Variants in TEP1 observed in about 807,000 individuals in gnomAD.
The protein encoded by TEP1 is telomerase protein component 1.
In TEP1, 241 loss-of-function variants were observed where a neutral mutation model predicts 306.3. The ratio of observed to expected loss-of-function variants is 0.79; its 90% CI spans 0.71 to 0.88. TEP1 has a LOEUF of 0.88. TEP1 is among the 40% of genes least tolerant of loss of function. The probability of loss-of-function intolerance (pLI) is 0.00; values close to 1 mark genes in which losing one functional copy is unlikely to be tolerated. For synonymous variants in TEP1, 1,289 were observed against 1,305.5 expected, an observed-to-expected ratio of 0.99 and a Z score of 0.27; for missense variants, 3,051 against 3,276.1, an observed-to-expected ratio of 0.93 and a Z score of 1.68.
chr14:20,375,654 T>C (rs1325875344), intron 43 of TEP1, 101 bp downstream of exon 43: 8 of 691,842 alleles, frequency 1.2e-5, no homozygotes, highest in Non-Finnish European at 1.8e-5. Flanking sequence ...ATATTAGCTA[T>C]CACTATTATT....
Position 20,377,696 on chromosome 14 carries a change from G to A in TEP1, c.5779C>T (p.Leu1927Phe). ...RPRGHLGSLS[L>F]SPALSVALSP... ...AGTGCCACAGAGAGGGCAGGAGAGA[G>A]AGAAAGGGAACCCAGGTGCCCACGG... The change falls in exon 40 of 55, where the codon CTC (leucine) becomes TTC (phenylalanine). Residue 1927 changes from leucine to phenylalanine, a missense_variant. Transcript: ENST00000262715. 6.2e-7 allele frequency: 1 copy of A among 1,614,138 alleles called. No homozygotes were observed. Among genetic ancestry groups the A allele is most frequent in the South Asian group, 1.1e-5 (1 of 91,082 alleles).
Position 20,410,662 on chromosome 14 carries a change from G to A in TEP1, c.-24-2199C>T, listed in dbSNP as rs527468705. Among the ~76,000 whole-genome samples, 11 of 148,786 alleles carry A rather than the reference G, an allele frequency of 7.4e-5. No individual in the cohort carries two copies. The South Asian group carries it at 8.5e-4, about 11-fold the overall frequency. On this transcript the variant is annotated intron_variant, in intron 1 of 54. Transcript: ENST00000262715. ...CCACTATGCTGGCCAGGCTGGTCTC[G>A]AACTCCTGACCTTGTGATCCACCCA...
At chr14:20,383,692 A>G in intron 25 of TEP1, 48 bp from the exon 26 acceptor site, 1 of 1,607,510 alleles carries the variant, frequency 6.2e-7, no homozygotes, top group East Asian at 2.2e-5. Flanking sequence ...AAAAAAAAGC[A>G]GGGGTGGTAC....
At position 20,369,574 on chromosome 14, in the gene TEP1, ACT is replaced by A; in HGVS notation, c.7424_7425del (p.Glu2475ValfsTer9). The stretch of plus-strand genomic sequence containing the variant: ...TCAGAGCTGGCACACAAAAATGAGG[ACT>A]CTGCCATTTTAAGGACAGAATTAGA... Reference protein sequence around the residue: ...ISITQAKPESESSFLCASSDG... With the variant: ...ISITQAKPESXSSFLCASSDG... On this transcript the variant is annotated frameshift_variant and splice_region_variant, in exon 53 of 55. Coordinates refer to ENST00000262715, the MANE Select transcript of TEP1 (RefSeq NM_007110.5). LOFTEE classifies it high-confidence loss of function. The A allele has an allele frequency of 2.5e-6, 4 of 1,613,990 alleles. No homozygotes were observed. Among genetic ancestry groups the A allele is most frequent in the Non-Finnish European group, 3.4e-6 (4 of 1,179,982 alleles).
chr14:20,404,610 C>G lies in TEP1; in HGVS notation c.1032+1G>C. 2 of 1,611,520 alleles carry G rather than the reference C, an allele frequency of 1.2e-6. No homozygotes were observed. Among genetic ancestry groups the G allele is most frequent in the Non-Finnish European group, 1.7e-6 (2 of 1,178,690 alleles). The stretch of plus-strand genomic sequence containing the variant: ...CAAGCTCAGGGAAATGAGCACCATA[C>G]CTGGTAAAGCTCAGCCACCTGGATC... On this transcript the variant is annotated splice_donor_variant, in intron 5 of 54. Transcript: ENST00000262715. LOFTEE classifies it high-confidence loss of function.
At chr14:20,403,101 G>A (rs1428244984) in intron 7 of TEP1, among the ~76,000 whole-genome samples, 1 of 148,720 alleles carries the variant, frequency 6.7e-6, no homozygotes, top group Non-Finnish European at 1.5e-5. Context: ...AGGTTGTAGT[G>A]AGCCAAGACC....
At chr14:20,369,013 T>C (rs1884653267) in intron 53 of TEP1, 111 bp from the exon 54 acceptor site, 1 of 679,544 alleles carries the variant, frequency 1.5e-6, no homozygotes, top group Non-Finnish European at 2.3e-6. Flanking sequence ...AGTATTTCTT[T>C]TTTTTTTTTT....
At chr14:20,398,180 C>G (rs1338612271) in intron 9 of TEP1, among the ~76,000 whole-genome samples, 1 of 151,890 alleles carries the variant, frequency 6.6e-6, no homozygotes, top group Admixed American at 6.6e-5. Context: ...GAGATCAAGA[C>G]CATCCTCGCT....
At chr14:20,398,423 G>A (rs969623957) in intron 9 of TEP1, among the ~76,000 whole-genome samples, 3 of 151,170 alleles carry the variant, frequency 2.0e-5, no homozygotes, top group Non-Finnish European at 4.4e-5. Flanking sequence ...AGTTAATTTG[G>A]TTAATACTGA....
intron 9 of TEP1, among the ~76,000 whole-genome samples, chr14:20,400,274 G>A (rs1424849990): frequency 1.3e-5 from 2 of 151,030 alleles, no homozygotes; most frequent in Non-Finnish European, 3.0e-5. Flanking sequence ...GTGTGTGTGT[G>A]TATGTGTGTT....
chr14:20,411,353 C>G (rs769412334), intron 1 of TEP1, among the ~76,000 whole-genome samples: 1 of 152,130 alleles, frequency 6.6e-6, no homozygotes, highest in African/African-American at 2.4e-5. Flanking sequence ...ACAGGCAGAT[C>G]CCTGGAACAC....
chr14:20,391,920 G>A (rs1196255647), intron 12 of TEP1, among the ~76,000 whole-genome samples, 153 bp from the exon 13 acceptor site: 1 of 151,854 alleles, frequency 6.6e-6, no homozygotes, highest in Non-Finnish European at 1.5e-5. Context: ...TTCTGGTGTA[G>A]AGGACTGGGA....
chr14:20,371,573 GC>G lies in TEP1; in HGVS notation c.7135del (p.Ala2379LeufsTer14). On this transcript the variant is annotated frameshift_variant, in exon 50 of 55. Coordinates refer to ENST00000262715, the MANE Select transcript of TEP1 (RefSeq NM_007110.5). LOFTEE classifies it high-confidence loss of function. ...DLGVLTSLDW[A>X]PDGHFLILAK... ...CAAGATGAGAAAGTGACCATCAGGA[GC>G]CCAATCCAGACTTGTCAGCACCCCT... 2 of 1,605,108 alleles carry G rather than the reference GC, an allele frequency of 1.2e-6. No individual in the cohort carries two copies. Among genetic ancestry groups the G allele is most frequent in the Non-Finnish European group, 1.7e-6 (2 of 1,178,142 alleles).
chr14:20,382,476 G>T, intron 28 of TEP1, 120 bp from the exon 29 acceptor site: 2 of 1,536,612 alleles, frequency 1.3e-6, no homozygotes, highest in Non-Finnish European at 1.8e-6. Flanking sequence ...AAGAACAACA[G>T]TAGGAGGGAA....
Position 20,375,835 on chromosome 14 carries a change from T to C in TEP1, c.6283A>G (p.Thr2095Ala), listed in dbSNP as rs548373439. The C allele has an allele frequency of 6.2e-7, 1 of 1,612,680 alleles. No individual in the cohort carries two copies. The highest frequency in any genetic ancestry group is 8.5e-7 in the Non-Finnish European group (1 of 1,179,600). Reference protein sequence around the residue: ...LLCWDVRTPKTPVLIHSFPAC... With the variant: ...LLCWDVRTPKAPVLIHSFPAC... ...GGGAAGGAGTGGATCAAAACAGGGGTTTTGGGTGTCCTCACGTCCCAGCAG... is the reference window on the plus strand; with the variant it reads ...GGGAAGGAGTGGATCAAAACAGGGGCTTTGGGTGTCCTCACGTCCCAGCAG... The change falls in exon 43 of 55, where the codon ACC (threonine) becomes GCC (alanine). Residue 2095 changes from threonine (T) to alanine (A), a missense_variant. Physicochemically the swap from Thr to Ala is moderately conservative, Grantham distance 58 (BLOSUM62 0). Around this residue, in one of 3 missense-constraint regions of TEP1, gnomAD observed 1,540 missense variants for 1,705.9 expected, o/e 0.90. Coordinates refer to ENST00000262715, the MANE Select transcript of TEP1 (RefSeq NM_007110.5).
intron 39 of TEP1, 121 bp from the exon 40 acceptor site, chr14:20,377,874 C>T: frequency 4.7e-6 from 7 of 1,477,438 alleles, no homozygotes; most frequent in Non-Finnish European, 6.5e-6. Context: ...TGAGAGCTGC[C>T]CCTGCACACA....
Position 20,403,704 on chromosome 14 carries a change from G to C in TEP1, c.1194+19C>G. ...CTGGAGAAAAGGGGCGTGGGTCGAGGGCTGGGGCAGTGACTGACTGGAGAG... is the reference window on the plus strand; with the variant it reads ...CTGGAGAAAAGGGGCGTGGGTCGAGCGCTGGGGCAGTGACTGACTGGAGAG... On this transcript the variant is annotated intron_variant, in intron 6 of 54. Transcript: ENST00000262715. 2 of 1,613,086 alleles carry C rather than the reference G, an allele frequency of 1.2e-6. No homozygotes were observed. The highest frequency in any genetic ancestry group is 8.5e-7 in the Non-Finnish European group (1 of 1,179,978).
At chr14:20,395,794 T>G in intron 11 of TEP1, 65 bp downstream of exon 11, 4 of 1,553,034 alleles carry the variant, frequency 2.6e-6, no homozygotes, top group Non-Finnish European at 3.5e-6. Context: ...AAAATATTGG[T>G]GCTGCTGCTT....
At chr14:20,394,759 T>C (rs201216772) in intron 12 of TEP1, among the ~76,000 whole-genome samples, 1 of 152,098 alleles carries the variant, frequency 6.6e-6, no homozygotes, top group East Asian at 1.9e-4. Context: ...CTCCCAAAGT[T>C]CTGGGATTAC....
Sources: allele counts gnomAD v4.1 joint callset (sites outside exome capture counted in the v4.1 genomes callset), GRCh38; gene constraint gnomAD v4.1.1; regional missense constraint gnomAD v4.1.1; transcripts MANE v1.5; gene names NCBI Gene and HGNC (gene_info 2026-07-23, HGNC 2026-07-21).